Variants in SLC9B1 observed in about 807,000 individuals in gnomAD.
The protein encoded by SLC9B1 is sodium/hydrogen exchanger 9B1.
SLC9B1 carries 32 observed loss-of-function variants against 51.7 expected under a neutral mutation model. That is an observed-to-expected ratio of 0.62 (90% CI 0.47 to 0.83). The LOEUF (loss-of-function observed/expected upper bound fraction) is 0.83. Ranked by LOEUF, SLC9B1 falls within the 40% of genes least tolerant of loss-of-function variation. The probability of loss-of-function intolerance (pLI) is 0.00; values close to 1 mark genes in which losing one functional copy is unlikely to be tolerated. For missense variants in SLC9B1, 406 were observed against 613.2 expected (o/e 0.66, Z 3.57); for synonymous variants, 145 against 212.7 (o/e 0.68, Z 2.77).
chr4:102,997,691 G>C (rs1740299845), intron 1 of SLC9B1, among the ~76,000 whole-genome samples: 3 of 151,900 alleles, frequency 2.0e-5, no homozygotes, highest in African/African-American at 4.8e-5. Context: ...TGTTACAGTT[G>C]TTCTAAATCA....
At chr4:103,003,172 A>G (rs149417456) in intron 1 of SLC9B1, among the ~76,000 whole-genome samples, 2 of 152,208 alleles carry the variant, frequency 1.3e-5, no homozygotes, top group Admixed American at 6.5e-5. Context: ...TTCATCTACT[A>G]TCTTGTTTCT....
In SLC9B1 at chr4:102,925,051, C is replaced by A. The variant is rs1269868659; in HGVS notation, c.829+7073G>T. Among the ~76,000 whole-genome samples, 3 of 152,278 alleles carry A rather than the reference C, an allele frequency of 2.0e-5. No homozygotes were observed. In the East Asian group the frequency reaches 5.8e-4, roughly 29 times the overall value. On this transcript the variant is annotated intron_variant, in intron 7 of 11. Transcript: ENST00000296422. The stretch of plus-strand genomic sequence containing the variant: ...ACCATTTCACCCAGCCATCCCATTA[C>A]TGGTCATATACCCAAAGGATTATGA...
chr4:102,977,583 C>G (rs1185012358), intron 3 of SLC9B1, among the ~76,000 whole-genome samples: 1 of 152,116 alleles, frequency 6.6e-6, no homozygotes, highest in African/African-American at 2.4e-5. Context: ...CACCTAAACA[C>G]CAATGTTGAG....
At chr4:102,892,674 T>TTAA (rs1467774557) in intron 11 of SLC9B1, 2 of 152,234 alleles carry the variant, frequency 1.3e-5, no homozygotes, top group Non-Finnish European at 2.9e-5. Context: ...AGCCATAATG[T>TTAA]TAACACATTT....
chr4:102,949,495 T>G, intron 3 of SLC9B1, 68 bp from the exon 4 acceptor site: 1 of 1,292,126 alleles, frequency 7.7e-7, no homozygotes, highest in East Asian at 2.6e-5. Context: ...AAAGGATCAA[T>G]TCTCTTTTAT....
intron 11 of SLC9B1, chr4:102,885,508 G>A (rs1047756460): frequency 1.8e-6 from 2 of 1,121,356 alleles, no homozygotes; most frequent in Admixed American, 1.8e-5. Flanking sequence ...CAGTTTTGAA[G>A]TTCTTTAAGA....
intron 1 of SLC9B1, among the ~76,000 whole-genome samples, chr4:103,002,657 A>T (rs1740586581): frequency 6.6e-6 from 1 of 152,246 alleles, no homozygotes; most frequent in Admixed American, 6.5e-5. Context: ...GTTTAGAAAT[A>T]GCCCATTGGA....
intron 3 of SLC9B1, among the ~76,000 whole-genome samples, chr4:102,972,180 C>T (rs1278904590): frequency 6.6e-6 from 1 of 151,982 alleles, no homozygotes; most frequent in African/African-American, 2.4e-5. Context: ...CTGGCAGAGA[C>T]ACAACAAAAA....
chr4:102,946,180 G>T (rs750733795), intron 5 of SLC9B1, among the ~76,000 whole-genome samples: 2 of 152,156 alleles, frequency 1.3e-5, no homozygotes, highest in Admixed American at 1.3e-4. Context: ...CAAATGATTA[G>T]ATCGCTAATA....
chr4:102,960,515 A>G (rs1056778302), intron 3 of SLC9B1, among the ~76,000 whole-genome samples: 1 of 152,120 alleles, frequency 6.6e-6, no homozygotes, highest in African/African-American at 2.4e-5. Flanking sequence ...AGTGTGGTAA[A>G]GCTGTGGTGA....
intron 6 of SLC9B1, among the ~76,000 whole-genome samples, chr4:102,939,810 C>G (rs963007064): frequency 6.6e-6 from 1 of 151,906 alleles, no homozygotes; most frequent in Non-Finnish European, 1.5e-5. Context: ...AACATCCCTT[C>G]ATGATATAGA....
intron 3 of SLC9B1, among the ~76,000 whole-genome samples, chr4:102,949,748 T>C (rs1212590579): frequency 1.3e-5 from 2 of 151,962 alleles, no homozygotes; most frequent in Non-Finnish European, 2.9e-5. Context: ...TCACATGAGG[T>C]TCAGGAGTTT....
At chr4:102,955,917 C>T (rs1003995862) in intron 3 of SLC9B1, among the ~76,000 whole-genome samples, 1 of 151,392 alleles carries the variant, frequency 6.6e-6, no homozygotes, top group Non-Finnish European at 1.5e-5. Context: ...GAAAGACCCA[C>T]ATGCAAGGCT....
exon 12 of SLC9B1, chr4:102,885,251 G>A: frequency 1.9e-6 from 3 of 1,614,062 alleles, no homozygotes; most frequent in Non-Finnish European, 2.5e-6. Context: ...TTTCCTTGGT[G>A]TACTCGCACT....
intron 3 of SLC9B1, among the ~76,000 whole-genome samples, chr4:102,975,584 A>ATTTTTTTTTTTTTTTTT (rs1466561136): frequency 5.0e-5 from 4 of 80,148 alleles, no homozygotes; most frequent in African/African-American, 1.1e-4. Context: ...ATATATATAT[A>ATTTTTTTTTTTTTTTTT]TATTTTTTTT....
intron 9 of SLC9B1, among the ~76,000 whole-genome samples, chr4:102,908,911 A>G (rs377040879): frequency 3.7e-3 from 522 of 139,926 alleles, no homozygotes; most frequent in Middle Eastern, 8.2e-3. Context: ...TAGGTATTTT[A>G]AAAAGAATAT....
Position 102,946,648 on chromosome 4 carries a change from T to C in SLC9B1, c.524A>G (p.Gln175Arg). Residue 175 changes from glutamine (Q) to arginine (R), a missense_variant and splice_region_variant, in exon 5 of 12, where the codon CAG (glutamine) becomes CGG (arginine). Gln to Arg is a conservative substitution (Grantham distance 43, BLOSUM62 1). This residue lies in a region of SLC9B1 where 250 missense variants were observed against 394.1 expected (regional missense o/e 0.63). Transcript: ENST00000296422. ...LIRAGLGLDP[Q>R]ALRHLKVVCF... is the part of the protein sequence containing the mutation. The stretch of plus-strand genomic sequence containing the variant: ...CTCGATTTGTAATTGTAAATCTACC[T>C]GTGGATCGAGTCCAAGCCCAGCTCT... The C allele has an allele frequency of 6.2e-7, 1 of 1,604,218 alleles. No individual in the cohort carries two copies. Among genetic ancestry groups the C allele is most frequent in the Non-Finnish European group, 8.5e-7 (1 of 1,177,660 alleles).
At chr4:102,958,394 T>C (rs1303853439) in intron 3 of SLC9B1, among the ~76,000 whole-genome samples, 3 of 152,222 alleles carry the variant, frequency 2.0e-5, no homozygotes, top group Non-Finnish European at 2.9e-5. Context: ...CTGTACAGCC[T>C]GAAGAACTGT....
At chr4:102,963,934 G>A (rs1367115274) in intron 3 of SLC9B1, among the ~76,000 whole-genome samples, 2 of 151,954 alleles carry the variant, frequency 1.3e-5, no homozygotes, top group Non-Finnish European at 2.9e-5. Context: ...AAAGTAAGTA[G>A]GATGTATGAA....
Sources: gnomAD v4.1 joint callset for allele counts (sites outside exome capture counted in the v4.1 genomes callset) on GRCh38, gnomAD v4.1.1 for gene constraint, gnomAD v4.1.1 regional missense constraint, MANE v1.5 for transcripts, NCBI Gene and HGNC (gene_info 2026-07-23, HGNC 2026-07-21) for gene names.